The following DRC11 variants were observed in gnomAD, a reference collection of about 807,000 sequenced individuals.
DRC11 encodes IQ and AAA domain-containing protein 1.
the DRC11 span, chr2:236,338,106 T>G: frequency 8.3e-7 from 1 of 1,208,052 alleles, no homozygotes; most frequent in African/African-American, 1.5e-5. Flanking sequence ...CCTCAACTCA[T>G]CTGGCGCCCA....
At chr2:236,470,973 T>A in the DRC11 span, among the ~76,000 whole-genome samples, 1 of 152,242 alleles carries the variant, frequency 6.6e-6, no homozygotes, top group African/African-American at 2.4e-5. This position sits in a 1 kb window ranked among gnomAD's most constrained non-coding sequence, Gnocchi z 5.1. Context: ...GCTTTTCATC[T>A]GTTACTTTTG....
the DRC11 span, among the ~76,000 whole-genome samples, chr2:236,505,793 G>A: frequency 6.6e-6 from 1 of 152,090 alleles, no homozygotes; most frequent in Non-Finnish European, 1.5e-5. Context: ...TACCAACGAT[G>A]TCACCCACTT....
chr2:236,460,564 T>C, the DRC11 span, among the ~76,000 whole-genome samples: 10 of 152,158 alleles, frequency 6.6e-5, no homozygotes, highest in Non-Finnish European at 4.4e-5. The surrounding 1 kb of genome is among the most constrained non-coding windows in gnomAD (Gnocchi z 4.0). Context: ...ATAGATGGCC[T>C]TTCTTTGTCC....
the DRC11 span, among the ~76,000 whole-genome samples, chr2:236,487,384 G>C: frequency 6.6e-6 from 1 of 152,094 alleles, no homozygotes; most frequent in South Asian, 2.1e-4. Flanking sequence ...GAAAATTAGG[G>C]ACAGAGTCCT....
the DRC11 span, chr2:236,399,356 T>A: frequency 7.3e-7 from 1 of 1,368,678 alleles, no homozygotes; most frequent in South Asian, 1.2e-5. This position sits in a 1 kb window ranked among gnomAD's most constrained non-coding sequence, Gnocchi z 7.0. Flanking sequence ...CCTCCCGTGA[T>A]GGGGTTCCCA....
the DRC11 span, chr2:236,392,364 G>A: frequency 1.4e-6 from 2 of 1,445,318 alleles, no homozygotes; most frequent in Non-Finnish European, 9.4e-7. The surrounding 1 kb of genome is among the most constrained non-coding windows in gnomAD (Gnocchi z 5.1). Flanking sequence ...CACTCCAGAA[G>A]GGTAAAGAAA....
chr2:236,409,545 C>T, the DRC11 span, among the ~76,000 whole-genome samples: 5 of 152,032 alleles, frequency 3.3e-5, no homozygotes, highest in African/African-American at 1.2e-4. Flanking sequence ...ACAATCATGT[C>T]GTCTGCAAAC....
At chr2:236,317,393 G>A in the DRC11 span, among the ~76,000 whole-genome samples, 274 of 152,256 alleles carry the variant, frequency 1.8e-3, 2 homozygotes, top group Non-Finnish European at 3.3e-3. This position sits in a 1 kb window ranked among gnomAD's most constrained non-coding sequence, Gnocchi z 5.4. Flanking sequence ...GGAAGTGGAC[G>A]AACTGCGACT....
At chr2:236,418,295 T>C in the DRC11 span, among the ~76,000 whole-genome samples, 2 of 152,196 alleles carry the variant, frequency 1.3e-5, no homozygotes, top group East Asian at 1.9e-4. Context: ...TATCTCATTG[T>C]GGTTTTGATT....
the DRC11 span, among the ~76,000 whole-genome samples, chr2:236,365,759 G>T: frequency 6.6e-6 from 1 of 151,840 alleles, no homozygotes; most frequent in Non-Finnish European, 1.5e-5. This position sits in a 1 kb window ranked among gnomAD's most constrained non-coding sequence, Gnocchi z 7.4. Flanking sequence ...CCTCTTCAAC[G>T]GGGGCCTGGC....
the DRC11 span, among the ~76,000 whole-genome samples, chr2:236,429,348 T>A: frequency 9.2e-5 from 14 of 152,186 alleles, no homozygotes; most frequent in Non-Finnish European, 2.1e-4. This position sits in a 1 kb window ranked among gnomAD's most constrained non-coding sequence, Gnocchi z 5.9. Context: ...CTGCAGGTCA[T>A]CAACACCATC....
chr2:236,452,581 T>C, the DRC11 span, among the ~76,000 whole-genome samples: 1 of 152,234 alleles, frequency 6.6e-6, no homozygotes. This position sits in a 1 kb window ranked among gnomAD's most constrained non-coding sequence, Gnocchi z 4.7. Flanking sequence ...TGACTGCACA[T>C]GGACTTAATT....
chr2:236,418,073 T>C, the DRC11 span, among the ~76,000 whole-genome samples: 2 of 152,174 alleles, frequency 1.3e-5, no homozygotes, highest in African/African-American at 4.8e-5. Context: ...TGATTTATAA[T>C]CCTTTGGGTA....
At chr2:236,307,558 G>T in the DRC11 span, among the ~76,000 whole-genome samples, 2 of 152,296 alleles carry the variant, frequency 1.3e-5, no homozygotes, top group South Asian at 2.1e-4. This position sits in a 1 kb window ranked among gnomAD's most constrained non-coding sequence, Gnocchi z 7.0. Flanking sequence ...GCCCATTTTT[G>T]ATTTAATTCT....
the DRC11 span, among the ~76,000 whole-genome samples, chr2:236,400,286 G>GC: frequency 6.6e-6 from 1 of 152,104 alleles, no homozygotes; most frequent in Admixed American, 6.5e-5. The surrounding 1 kb of genome is among the most constrained non-coding windows in gnomAD (Gnocchi z 7.9). Context: ...CCTACCCTGG[G>GC]CCCCCCACAG....
chr2:236,489,579 G>A, the DRC11 span, among the ~76,000 whole-genome samples: 2 of 152,148 alleles, frequency 1.3e-5, no homozygotes, highest in Admixed American at 6.5e-5. Flanking sequence ...GGCTTGGGGG[G>A]TGTCCATGCA....
At chr2:236,498,947 G>T in the DRC11 span, among the ~76,000 whole-genome samples, 2 of 152,190 alleles carry the variant, frequency 1.3e-5, no homozygotes, top group Non-Finnish European at 2.9e-5. Context: ...CTTCACTGTA[G>T]AAAGTGGGTG....
chr2:236,357,944 AAT>A, the DRC11 span, among the ~76,000 whole-genome samples: 4 of 114,120 alleles, frequency 3.5e-5, no homozygotes, highest in Non-Finnish European at 4.8e-5. Flanking sequence ...ATGAATATAT[AAT>A]ATATAAATAT....
the DRC11 span, chr2:236,377,145 ATCCT>A: frequency 6.2e-7 from 1 of 1,613,134 alleles, no homozygotes; most frequent in Admixed American, 1.7e-5. The surrounding 1 kb of genome is among the most constrained non-coding windows in gnomAD (Gnocchi z 4.9). Context: ...TGGATCAGTA[ATCCT>A]TCTTCCACCA....
Sources: gnomAD v4.1 joint callset for allele counts (sites outside exome capture counted in the v4.1 genomes callset) on GRCh38, gnomAD v4.1.1 for gene constraint, Gnocchi (gnomAD v3.1) non-coding constraint, MANE v1.5 for transcripts, NCBI Gene and HGNC (gene_info 2026-07-23, HGNC 2026-07-21) for gene names.